The following SNTG1 variants were observed in gnomAD, a reference collection of about 807,000 sequenced individuals.
SNTG1 encodes the protein gamma-1-syntrophin.
A neutral mutation model predicts 74.7 loss-of-function variants in SNTG1; 39 were observed. That is an observed-to-expected ratio of 0.52 (90% CI 0.40 to 0.68). SNTG1 has a LOEUF of 0.68. Among genes scored for constraint, SNTG1 ranks in the 30% least tolerant of loss-of-function variants. The probability of loss-of-function intolerance (pLI) is 0.00; values close to 1 mark genes in which losing one functional copy is unlikely to be tolerated. For synonymous variants in SNTG1, 254 were observed against 217.1 expected (o/e 1.17, Z -1.49); for missense variants, 685 against 609.5 (o/e 1.12, Z -1.30).
intron 2 of SNTG1, among the ~76,000 whole-genome samples, chr8:50,264,125 T>C (rs1056295920): frequency 6.6e-6 from 1 of 152,094 alleles, no homozygotes; most frequent in Non-Finnish European, 1.5e-5. Flanking sequence ...TAGAAAATAC[T>C]TGAAGATGAG....
At chr8:50,737,804 A>G (rs940156738) in intron 17 of SNTG1, among the ~76,000 whole-genome samples, 6 of 152,154 alleles carry the variant, frequency 3.9e-5, no homozygotes, top group African/African-American at 1.4e-4. Flanking sequence ...ACCAATTACA[A>G]AAATCACATG....
rs377367357 is a variant in SNTG1 at position 50,414,251 on chromosome 8, A to G, written c.162+11907A>G. Among the ~76,000 whole-genome samples, 3 of 152,270 alleles carry G rather than the reference A, an allele frequency of 2.0e-5. No homozygotes were observed. In the South Asian group the frequency reaches 6.2e-4, roughly 32 times the overall value. ...GCTATTAGCAACCCAGATATTCTTT[A>G]AACTAAATTCTCAGTTGGGGATATG... On this transcript the variant is annotated intron_variant, in intron 4 of 18. Coordinates refer to ENST00000642720, the MANE Select transcript of SNTG1 (RefSeq NM_018967.5).
intron 2 of SNTG1, among the ~76,000 whole-genome samples, chr8:50,311,414 T>C (rs1423473719): frequency 6.6e-6 from 1 of 152,250 alleles, no homozygotes; most frequent in East Asian, 1.9e-4. Context: ...TTTATAATCA[T>C]GTTTTGATGA....
At chr8:50,681,924 G>A (rs1243088947) in intron 15 of SNTG1, among the ~76,000 whole-genome samples, 4 of 152,142 alleles carry the variant, frequency 2.6e-5, no homozygotes, top group African/African-American at 4.8e-5. Flanking sequence ...GTCAAGAGAT[G>A]TTCTGACTTT....
intron 12 of SNTG1, among the ~76,000 whole-genome samples, chr8:50,577,037 C>G (rs1016886637): frequency 2.0e-5 from 3 of 152,136 alleles, no homozygotes; most frequent in Non-Finnish European, 4.4e-5. Flanking sequence ...TTCCTGATCA[C>G]ATAGGAACAT....
intron 13 of SNTG1, among the ~76,000 whole-genome samples, chr8:50,601,147 C>A (rs976592760): frequency 1.6e-5 from 1 of 63,192 alleles, no homozygotes; most frequent in South Asian, 6.0e-4. Flanking sequence ...ACAGAGCCAG[C>A]GAGACAAAAA....
intron 2 of SNTG1, among the ~76,000 whole-genome samples, chr8:50,314,307 G>T (rs2090233463): frequency 2.0e-5 from 3 of 147,122 alleles, no homozygotes; most frequent in African/African-American, 5.1e-5. Context: ...CTCTTGTTTT[G>T]ATCAACTTGA....
chr8:50,424,385 A>G lies in SNTG1; in HGVS notation c.163-14158A>G, dbSNP rs756277251. 5.9e-5 allele frequency among the ~76,000 whole-genome samples: 9 copies of G among 152,354 alleles called. No individual in the cohort carries two copies. The Middle Eastern group carries it at 0.01, about 173-fold the overall frequency. On this transcript the variant is annotated intron_variant, in intron 4 of 18. Coordinates refer to ENST00000642720, the MANE Select transcript of SNTG1 (RefSeq NM_018967.5). ...TGTTGACATTTGGAAGCTCCTCAGC[A>G]TCTGTAAGGTGTACCAATCAAAAAT...
chr8:50,526,909 A>T (rs2094224914), intron 9 of SNTG1, among the ~76,000 whole-genome samples: 1 of 152,064 alleles, frequency 6.6e-6, no homozygotes, highest in South Asian at 2.1e-4. Flanking sequence ...GGCATGAGGC[A>T]CCGCGCCCGG....
At chr8:50,726,924 G>A (rs1431362526) in intron 17 of SNTG1, among the ~76,000 whole-genome samples, 2 of 152,092 alleles carry the variant, frequency 1.3e-5, no homozygotes, top group Non-Finnish European at 2.9e-5. Flanking sequence ...GAAGGATTTT[G>A]TGTGTCTTAA....
chr8:50,495,073 A>T (rs1275019044), intron 8 of SNTG1, among the ~76,000 whole-genome samples: 3 of 152,094 alleles, frequency 2.0e-5, no homozygotes, highest in Non-Finnish European at 4.4e-5. Context: ...CTGAAATTTT[A>T]GGAATTGTGA....
At chr8:50,261,281 A>G (rs966515058) in intron 2 of SNTG1, among the ~76,000 whole-genome samples, 1 of 152,206 alleles carries the variant, frequency 6.6e-6, no homozygotes, top group Non-Finnish European at 1.5e-5. Context: ...ATGAATTCTC[A>G]TCGATTTAGA....
At chr8:50,280,027 C>G (rs1260523142) in intron 2 of SNTG1, among the ~76,000 whole-genome samples, 1 of 152,182 alleles carries the variant, frequency 6.6e-6, no homozygotes, top group Non-Finnish European at 1.5e-5. Flanking sequence ...TTCAAAGCTT[C>G]TCCCTTGTCT....
In SNTG1 at chr8:50,737,711, A is replaced by G. The variant is rs115402406; in HGVS notation, c.1285-14290A>G. Among the ~76,000 whole-genome samples, 413 of 152,276 alleles carry G rather than the reference A, an allele frequency of 2.7e-3. 3 individuals are homozygous for G. Among genetic ancestry groups the G allele is most frequent in the African/African-American group, 9.1e-3 (380 of 41,560 alleles). ...CAGCACATCAAAAAGCTTGTCCACC[A>G]TGATCACGTCGGCTTCATCCCTGGG... On this transcript the variant is annotated intron_variant, in intron 17 of 18. Coordinates refer to ENST00000642720, the MANE Select transcript of SNTG1 (RefSeq NM_018967.5).
At chr8:50,695,081 C>A (rs944958359) in intron 15 of SNTG1, among the ~76,000 whole-genome samples, 4 of 151,640 alleles carry the variant, frequency 2.6e-5, no homozygotes, top group Non-Finnish European at 5.9e-5. Flanking sequence ...AAGGTCCAAG[C>A]CAGAGAAATT....
intron 1 of SNTG1, among the ~76,000 whole-genome samples, chr8:49,949,691 T>C (rs933834455): frequency 6.6e-6 from 1 of 152,328 alleles, no homozygotes; most frequent in South Asian, 2.1e-4. Context: ...CATGTGCTCA[T>C]AGGTAGGTTG....
At chr8:49,928,086 A>C (rs1807196925) in intron 1 of SNTG1, among the ~76,000 whole-genome samples, 1 of 151,284 alleles carries the variant, frequency 6.6e-6, no homozygotes, top group South Asian at 2.1e-4. Context: ...CCGAGATCAC[A>C]CCACTGCACT....
At chr8:49,925,610 A>C (rs1045096207) in intron 1 of SNTG1, among the ~76,000 whole-genome samples, 13 of 152,196 alleles carry the variant, frequency 8.5e-5, no homozygotes, top group South Asian at 8.3e-4. Context: ...ATTCACACCC[A>C]GCTACCCTGG....
At chr8:50,390,121 C>A (rs1440559609) in intron 2 of SNTG1, among the ~76,000 whole-genome samples, 1 of 151,274 alleles carries the variant, frequency 6.6e-6, no homozygotes, top group African/African-American at 2.4e-5. Context: ...GCTTTTGTTG[C>A]CATTGCTTTT....
Sources: gnomAD v4.1 joint callset for allele counts (sites outside exome capture counted in the v4.1 genomes callset) on GRCh38, gnomAD v4.1.1 for gene constraint, MANE v1.5 for transcripts, NCBI Gene and HGNC (gene_info 2026-07-23, HGNC 2026-07-21) for gene names.